The following HSF2 variants were observed in gnomAD, a reference collection of about 807,000 sequenced individuals.
HSF2 encodes heat shock factor protein 2.
In HSF2, 21 loss-of-function variants were observed where a neutral mutation model predicts 65.0. The observed-to-expected ratio is 0.32, with a 90% CI of 0.23 to 0.47. The LOEUF (loss-of-function observed/expected upper bound fraction) is 0.47, where lower values mean the gene tolerates loss of function less well. HSF2 is among the 20% of genes least tolerant of loss of function. The pLI is 1.00. For synonymous variants in HSF2, 225 were observed against 219.1 expected (o/e 1.03, Z -0.24); for missense variants, 499 against 628.1 (o/e 0.79, Z 2.20).
intron 1 of HSF2, among the ~76,000 whole-genome samples, chr6:122,407,372 C>G (rs1241778525): frequency 6.6e-6 from 1 of 152,186 alleles, no homozygotes; most frequent in Non-Finnish European, 1.5e-5. Context: ...CCAGCTTATT[C>G]CGCTATTAGC....
intron 4 of HSF2, among the ~76,000 whole-genome samples, chr6:122,414,949 C>T (rs1233189277): frequency 1.3e-5 from 2 of 152,120 alleles, no homozygotes; most frequent in Non-Finnish European, 2.9e-5. Context: ...CAGATAACAA[C>T]ATTTTTTAAT....
intron 1 of HSF2, among the ~76,000 whole-genome samples, chr6:122,408,984 A>G (rs952841105): frequency 1.3e-5 from 2 of 152,040 alleles, no homozygotes; most frequent in Admixed American, 1.3e-4. Flanking sequence ...GTTAAAGAAC[A>G]TAGTGTAAAA....
At chr6:122,405,248 C>T (rs1017426454) in intron 1 of HSF2, among the ~76,000 whole-genome samples, 10 of 147,360 alleles carry the variant, frequency 6.8e-5, no homozygotes, top group African/African-American at 2.5e-4. Context: ...ACTGAGACCC[C>T]TGTCTCTTAA....
intron 11 of HSF2, 74 bp from the exon 12 acceptor site, chr6:122,431,356 T>G: frequency 1.6e-6 from 1 of 608,018 alleles, no homozygotes; most frequent in Non-Finnish European, 2.6e-6. Context: ...ATTTACATAT[T>G]GTATCAATTT....
chr6:122,425,254 T>C (rs1774314956), intron 10 of HSF2, among the ~76,000 whole-genome samples: 1 of 152,120 alleles, frequency 6.6e-6, no homozygotes, highest in Non-Finnish European at 1.5e-5. Flanking sequence ...CTCTATTTTG[T>C]CTGAAGCTTT....
chr6:122,399,968 T>A (rs1240708290), intron 1 of HSF2, 138 bp downstream of exon 1: 1 of 694,152 alleles, frequency 1.4e-6, no homozygotes, highest in African/African-American at 1.9e-5. Context: ...GCGTTCAGCC[T>A]CGCGGGGGAC....
chr6:122,431,684 G>GTTT (rs3085253), intron 12 of HSF2, among the ~76,000 whole-genome samples, 170 bp downstream of exon 12: 234 of 149,046 alleles, frequency 1.6e-3, no homozygotes, highest in Admixed American at 2.1e-3. Flanking sequence ...AATTCTTTAA[G>GTTT]TTTTTTTTTT....
intron 1 of HSF2, among the ~76,000 whole-genome samples, chr6:122,402,636 T>C (rs912923456): frequency 6.6e-6 from 1 of 151,926 alleles, no homozygotes; most frequent in Non-Finnish European, 1.5e-5. Flanking sequence ...CACTGCAGCC[T>C]CTGCCTCCTG....
intron 11 of HSF2, among the ~76,000 whole-genome samples, chr6:122,428,409 CGT>C (rs1392189369): frequency 2.0e-5 from 3 of 151,516 alleles, no homozygotes; most frequent in Admixed American, 1.3e-4. Context: ...GAAGTTGAAA[CGT>C]ATGAATATTT....
intron 11 of HSF2, among the ~76,000 whole-genome samples, chr6:122,430,148 G>T (rs1489304153): frequency 6.6e-6 from 1 of 151,942 alleles, no homozygotes; most frequent in South Asian, 2.1e-4. Context: ...GGCTTTTTTT[G>T]GTTGGTAGGC....
At chr6:122,419,401 TATC>T (rs1774186877) in intron 6 of HSF2, among the ~76,000 whole-genome samples, 172 bp downstream of exon 6, 1 of 152,190 alleles carries the variant, frequency 6.6e-6, no homozygotes, top group African/African-American at 2.4e-5. Flanking sequence ...TTTTTAGTTT[TATC>T]ATTCTGCTGA....
At chr6:122,413,857 TAGTC>T (rs1254900070) in intron 4 of HSF2, among the ~76,000 whole-genome samples, 3 of 152,268 alleles carry the variant, frequency 2.0e-5, no homozygotes, top group East Asian at 3.9e-4. Flanking sequence ...TTAATTATGA[TAGTC>T]AGAAGAAGAT....
In HSF2 at chr6:122,423,565, A is replaced by T. The variant is rs188720074; in HGVS notation, c.1071-16A>T. 1,254 of 1,433,134 alleles carry T rather than the reference A, an allele frequency of 8.8e-4. 11 individuals are homozygous for T. In the African/African-American group the frequency reaches 0.013, roughly 15 times the overall value. 88.8% of individuals were successfully genotyped at this position (1,433,134 alleles called of 1,614,324 possible). Reference sequence around the variant, plus strand: ...GGATATCTAATATTTGATTAAAAAAATTTTTTTTTCCTTAGGGTTGAGCTG... The same window carrying T: ...GGATATCTAATATTTGATTAAAAAATTTTTTTTTTCCTTAGGGTTGAGCTG... On this transcript the variant is annotated splice_polypyrimidine_tract_variant and intron_variant, in intron 9 of 12. Transcript: ENST00000368455.
chr6:122,404,332 ATAAG>A (rs1773813662), intron 1 of HSF2, among the ~76,000 whole-genome samples: 2 of 152,224 alleles, frequency 1.3e-5, no homozygotes, highest in Admixed American at 6.5e-5. Context: ...CAAAGTGAAA[ATAAG>A]AAAGACTACA....
chr6:122,423,279 TTAATAG>T (rs1774275564), intron 9 of HSF2, among the ~76,000 whole-genome samples: 1 of 152,196 alleles, frequency 6.6e-6, no homozygotes, highest in South Asian at 2.1e-4. Flanking sequence ...CAAAGAAAAC[TTAATAG>T]TAATAATCAG....
chr6:122,428,979 G>A (rs1774399122), intron 11 of HSF2, among the ~76,000 whole-genome samples: 2 of 152,102 alleles, frequency 1.3e-5, no homozygotes, highest in Admixed American at 6.5e-5. Context: ...GGTTTTTCAG[G>A]CCATATGTTC....
In HSF2 at chr6:122,432,497, A is replaced by C. The variant is rs1047285685; in HGVS notation, c.*277A>C. ...TTTCTCCAATTTTGGTAAATTGGAT[A>C]TCTTTTTTTTACAAATACGACCATT... is the stretch of plus-strand genomic sequence containing the variant. On this transcript the variant is annotated 3_prime_UTR_variant, in exon 13 of 13. Coordinates refer to ENST00000368455, the MANE Select transcript of HSF2 (RefSeq NM_004506.4). 1 of 336,866 alleles carries C rather than the reference A, an allele frequency of 3.0e-6. No individual in the cohort carries two copies. Among genetic ancestry groups the C allele is most frequent in the Non-Finnish European group, 5.5e-6 (1 of 183,272 alleles). 20.9% of individuals were successfully genotyped at this position (336,866 alleles called of 1,614,324 possible). A position where few individuals can be genotyped will look rare whatever the true frequency, so the allele number is the denominator to read the frequency against.
chr6:122,424,410 T>C (rs1291527567), intron 10 of HSF2, among the ~76,000 whole-genome samples: 1 of 152,094 alleles, frequency 6.6e-6, no homozygotes, highest in Non-Finnish European at 1.5e-5. Context: ...AATTTTGTTG[T>C]CTTTTTTTCT....
rs45511899 is a variant in HSF2, at chr6:122,418,198, C to T, written c.532-970C>T. Among the ~76,000 whole-genome samples the T allele has an allele frequency of 2.2e-3, 335 of 152,252 alleles. 8 individuals are homozygous for T. In the East Asian group the frequency reaches 0.044, roughly 20 times the overall value. ...TTATTCATAGCTTCTCAGTGATATA[C>T]TACTTTTTATAGTTTACCATATGAT... On this transcript the variant is annotated intron_variant, in intron 5 of 12. Transcript: ENST00000368455.
Sources: allele counts gnomAD v4.1 joint callset (sites outside exome capture counted in the v4.1 genomes callset), GRCh38; gene constraint gnomAD v4.1.1; transcripts MANE v1.5; gene names NCBI Gene and HGNC (gene_info 2026-07-23, HGNC 2026-07-21).